Variants in CNTN6 observed in about 807,000 individuals in gnomAD.
CNTN6 encodes contactin-6.
CNTN6 carries 137 observed loss-of-function variants against 122.8 expected under a neutral mutation model. The observed-to-expected ratio is 1.12, with a 90% CI of 0.97 to 1.29. The LOEUF (loss-of-function observed/expected upper bound fraction) is 1.29, where lower values mean the gene tolerates loss of function less well. Among genes scored for constraint, CNTN6 ranks in the 50% most tolerant of loss-of-function variants. CNTN6 has a pLI of 0.00. For missense variants in CNTN6, 1,634 were observed against 1,223.4 expected (o/e 1.34, Z -5.01); for synonymous variants, 570 against 426.0 (o/e 1.34, Z -4.16).
chr3:1,400,358 G>C (rs576322869), intron 20 of CNTN6, among the ~76,000 whole-genome samples: 1 of 152,170 alleles, frequency 6.6e-6, no homozygotes, highest in Non-Finnish European at 1.5e-5. Context: ...CATGCTTTTG[G>C]ATAAGTGACT....
intron 4 of CNTN6, among the ~76,000 whole-genome samples, chr3:1,242,955 T>C (rs186808219): frequency 0.074 from 10,402 of 140,594 alleles, 368 homozygotes; most frequent in East Asian, 0.099. Flanking sequence ...GTGGAGTGGG[T>C]AGCCTCCGTA....
At chr3:1,369,151 C>T (rs541249403) in intron 12 of CNTN6, among the ~76,000 whole-genome samples, 81 of 152,298 alleles carry the variant, frequency 5.3e-4, no homozygotes, top group Non-Finnish European at 9.0e-4. Flanking sequence ...TACCTGCTAC[C>T]TTTACCCAGC....
At chr3:1,216,733 A>C (rs906962583) in intron 2 of CNTN6, among the ~76,000 whole-genome samples, 1 of 152,230 alleles carries the variant, frequency 6.6e-6, no homozygotes, top group Non-Finnish European at 1.5e-5. Flanking sequence ...CACTGAGGAA[A>C]GGTGCCTAAA....
intron 5 of CNTN6, among the ~76,000 whole-genome samples, chr3:1,290,402 T>G (rs1695134906): frequency 6.6e-6 from 1 of 152,074 alleles, no homozygotes; most frequent in African/African-American, 2.4e-5. Flanking sequence ...TGGTTACTTG[T>G]GGAGCTTGGG....
intron 1 of CNTN6, among the ~76,000 whole-genome samples, chr3:1,108,784 A>G (rs2125005971): frequency 6.6e-6 from 1 of 152,202 alleles, no homozygotes; most frequent in South Asian, 2.1e-4. Flanking sequence ...AACTTTTTAG[A>G]AAAAGTTTTG....
At chr3:1,377,897 C>A (rs909633603) in intron 17 of CNTN6, among the ~76,000 whole-genome samples, 1 of 152,090 alleles carries the variant, frequency 6.6e-6, no homozygotes, top group Non-Finnish European at 1.5e-5. Flanking sequence ...AATTATCAGA[C>A]GCTGCCATTT....
intron 2 of CNTN6, among the ~76,000 whole-genome samples, chr3:1,211,349 A>G (rs549363206): frequency 1.3e-5 from 2 of 152,280 alleles, no homozygotes; most frequent in South Asian, 4.1e-4. Flanking sequence ...GTTCTTTTAG[A>G]TACAGGCTTT....
At chr3:1,340,659 C>A (rs935770326) in intron 11 of CNTN6, among the ~76,000 whole-genome samples, 1 of 152,084 alleles carries the variant, frequency 6.6e-6, no homozygotes, top group Non-Finnish European at 1.5e-5. Flanking sequence ...CCAGGTTGGT[C>A]CCCTATTCTC....
intron 8 of CNTN6, among the ~76,000 whole-genome samples, chr3:1,324,183 G>T (rs1310944880): frequency 2.0e-5 from 3 of 149,432 alleles, no homozygotes; most frequent in African/African-American, 7.7e-5. Context: ...ATTCCTGCAA[G>T]AGGTAATCCT....
At chr3:1,192,930 T>C (rs533308346) in intron 2 of CNTN6, among the ~76,000 whole-genome samples, 2 of 152,270 alleles carry the variant, frequency 1.3e-5, no homozygotes, top group East Asian at 3.9e-4. Flanking sequence ...AAAAATTCCA[T>C]GTGTGCAAGA....
At chr3:1,303,950 T>C (rs568891647) in intron 7 of CNTN6, among the ~76,000 whole-genome samples, 1 of 152,208 alleles carries the variant, frequency 6.6e-6, no homozygotes, top group Non-Finnish European at 1.5e-5. Context: ...AGCTCTCATG[T>C]CTTCCAGGCC....
At position 1,202,453 on chromosome 3, in the gene CNTN6, T is replaced by C. The variant is rs543745837; in HGVS notation, c.56-18234T>C. Among the ~76,000 whole-genome samples the C allele has an allele frequency of 7.6e-3, 1,134 of 149,708 alleles. 10 individuals carry two copies. The highest frequency in any genetic ancestry group is 0.014 in the Middle Eastern group (4 of 292). ...TACTCGGGAGGCTGAGGCGGGAGAA[T>C]GGCGGGAACCCCGGGGGGCGGAGCT... On this transcript the variant is annotated intron_variant, in intron 2 of 22. Transcript: ENST00000446702.
At chr3:1,178,706 T>C (rs1351571258) in intron 2 of CNTN6, among the ~76,000 whole-genome samples, 1 of 152,188 alleles carries the variant, frequency 6.6e-6, no homozygotes. Context: ...AGAATAGGCA[T>C]GTTTTTACTT....
Position 1,147,969 on chromosome 3 carries a change from C to CTGA in CNTN6, c.-38_-36dup. On this transcript the variant is annotated 5_prime_UTR_variant, in exon 2 of 23. In the 5' UTR this introduces an upstream ATG that the reference lacks. Transcript: ENST00000446702. ...TGGAAGATAGACTGTTTTGTTCCAC[C>CTGA]TGATTGTATGGGAGAAATTTTTGAC... 1 of 1,512,928 alleles carries CTGA rather than the reference C, an allele frequency of 6.6e-7. No individual in the cohort carries two copies. Among genetic ancestry groups the CTGA allele is most frequent in the South Asian group, 1.1e-5 (1 of 88,066 alleles). The allele number at this position is 1,512,928 out of a possible 1,614,324, so 93.7% of individuals were successfully genotyped here.
intron 4 of CNTN6, among the ~76,000 whole-genome samples, chr3:1,269,131 A>AT (rs75824583): frequency 0.14 from 21,216 of 151,892 alleles, 1,861 homozygotes; most frequent in South Asian, 0.3. Flanking sequence ...GTATTATGTC[A>AT]TTTTTTTTCC....
chr3:1,378,953 T>G (rs1228217265), intron 17 of CNTN6, among the ~76,000 whole-genome samples: 2 of 152,106 alleles, frequency 1.3e-5, no homozygotes, highest in African/African-American at 4.8e-5. Flanking sequence ...TTCAAATGAG[T>G]CTACAAGAGA....
chr3:1,321,324 C>T (rs1700813062), intron 7 of CNTN6, among the ~76,000 whole-genome samples: 1 of 151,698 alleles, frequency 6.6e-6, no homozygotes, highest in African/African-American at 2.4e-5. Context: ...TTGCAGTTTG[C>T]AAGTGTACTT....
chr3:1,111,442 G>A (rs1220876626), intron 1 of CNTN6, among the ~76,000 whole-genome samples: 1 of 152,148 alleles, frequency 6.6e-6, no homozygotes, highest in Non-Finnish European at 1.5e-5. Context: ...ATTCAGAGAT[G>A]TAAAGTAAAT....
intron 1 of CNTN6, among the ~76,000 whole-genome samples, chr3:1,098,787 C>T (rs796665939): frequency 0.027 from 1,474 of 54,774 alleles, 13 homozygotes; most frequent in African/African-American, 0.048. Flanking sequence ...CACACACACA[C>T]ACATATATAT....
Sources: gnomAD v4.1 joint callset for allele counts (sites outside exome capture counted in the v4.1 genomes callset) on GRCh38, gnomAD v4.1.1 for gene constraint, MANE v1.5 for transcripts, NCBI Gene and HGNC (gene_info 2026-07-23, HGNC 2026-07-21) for gene names.